WDR41: variants seen among roughly 807,000 people sequenced by gnomAD.
WDR41 encodes the protein WD repeat domain 41, also known as WD repeat-containing protein 41.
In WDR41, 63 loss-of-function variants were observed where a neutral mutation model predicts 69.3. The ratio of observed to expected loss-of-function variants is 0.91; its 90% confidence interval spans 0.74 to 1.12. WDR41 has a LOEUF of 1.12. Among genes scored for constraint, WDR41 ranks in the 50% most tolerant of loss-of-function variants. WDR41 has a pLI of 0.00. For missense variants in WDR41, 543 were observed against 534.5 expected (o/e 1.02, Z -0.16); for synonymous variants, 185 against 192.1 (o/e 0.96, Z 0.31).
At chr5:77,512,150 C>A (rs956462013) in intron 1 of WDR41, among the ~76,000 whole-genome samples, 2 of 152,074 alleles carry the variant, frequency 1.3e-5, no homozygotes, top group Non-Finnish European at 2.9e-5. Flanking sequence ...GGATTCTCAA[C>A]CTTGCTGCAC....
intron 1 of WDR41, among the ~76,000 whole-genome samples, chr5:77,514,138 G>A (rs1802252634): frequency 6.6e-6 from 1 of 151,992 alleles, no homozygotes; most frequent in Non-Finnish European, 1.5e-5. Context: ...ATATGGGGGG[G>A]AATCACCTAA....
intron 1 of WDR41, among the ~76,000 whole-genome samples, chr5:77,602,638 TTGTC>T (rs1180613908): frequency 2.0e-5 from 3 of 152,338 alleles, no homozygotes; most frequent in South Asian, 2.1e-4. Context: ...CACATTTTCT[TTGTC>T]TGTTCATCCT....
intron 2 of WDR41, among the ~76,000 whole-genome samples, chr5:77,477,219 A>T (rs1307791199): frequency 1.3e-5 from 2 of 150,174 alleles, no homozygotes; most frequent in African/African-American, 5.0e-5. Flanking sequence ...CCACACAATA[A>T]TAATGGGAGA....
At chr5:77,438,093 G>C (rs1247462818) in intron 10 of WDR41, 147 bp downstream of exon 10, 26 of 1,150,734 alleles carry the variant, frequency 2.3e-5, no homozygotes, top group Non-Finnish European at 3.1e-5. Context: ...TTCTGTTAGA[G>C]ACAGCCCTCA....
chr5:77,441,318 T>C (rs1799154479), intron 8 of WDR41, among the ~76,000 whole-genome samples: 1 of 152,074 alleles, frequency 6.6e-6, no homozygotes. Flanking sequence ...AAGTTTCAAA[T>C]AGATTAAAAC....
intron 1 of WDR41, among the ~76,000 whole-genome samples, chr5:77,491,005 T>G (rs1801752032): frequency 6.6e-6 from 1 of 152,264 alleles, no homozygotes; most frequent in South Asian, 2.1e-4. Flanking sequence ...TCACAAATTC[T>G]GTTCTTGTCA....
At chr5:77,613,894 C>A (rs1449992769) in intron 1 of WDR41, among the ~76,000 whole-genome samples, 1 of 152,158 alleles carries the variant, frequency 6.6e-6, no homozygotes, top group African/African-American at 2.4e-5. Flanking sequence ...GCAATCTACT[C>A]ATCTGACAAA....
At chr5:77,452,059 G>A (rs948244030) in intron 6 of WDR41, 4 of 150,912 alleles carry the variant, frequency 2.7e-5, no homozygotes, top group Non-Finnish European at 5.9e-5. Flanking sequence ...TGATATATAT[G>A]TAATTTATAA....
At chr5:77,546,152 G>A (rs140691226) in intron 1 of WDR41, 5,406 of 477,320 alleles carry the variant, frequency 0.011, 49 homozygotes, top group Non-Finnish European at 0.015. Context: ...CCGACCTCTG[G>A]AAGGAGACTG....
chr5:77,523,116 C>G (rs904841092), intron 1 of WDR41, among the ~76,000 whole-genome samples: 1 of 151,936 alleles, frequency 6.6e-6, no homozygotes, highest in Non-Finnish European at 1.5e-5. Context: ...GAGTTTGAGA[C>G]CAACCTGGCC....
At chr5:77,505,387 CA>C (rs1185689690) in intron 1 of WDR41, among the ~76,000 whole-genome samples, 4 of 152,090 alleles carry the variant, frequency 2.6e-5, no homozygotes, top group African/African-American at 9.7e-5. Flanking sequence ...AGGATACAAA[CA>C]AATGGAAGAA....
At chr5:77,525,283 C>A (rs1030110228) in intron 1 of WDR41, among the ~76,000 whole-genome samples, 11 of 152,140 alleles carry the variant, frequency 7.2e-5, no homozygotes, top group Admixed American at 6.5e-5. Context: ...TTAAATGTCA[C>A]AAATTATTTT....
upstream of WDR41, among the ~76,000 whole-genome samples, chr5:77,493,025 A>G (rs546355167): frequency 6.6e-6 from 1 of 152,196 alleles, no homozygotes; most frequent in South Asian, 2.1e-4. Flanking sequence ...TGACTACTAC[A>G]TTTTCTTAGG....
chr5:77,619,554 C>T (rs552008035), intron 1 of WDR41, among the ~76,000 whole-genome samples: 2 of 152,142 alleles, frequency 1.3e-5, no homozygotes, highest in East Asian at 3.9e-4. Context: ...CAGACCTGAC[C>T]CCAAGTCCAG....
intron 12 of WDR41, among the ~76,000 whole-genome samples, chr5:77,434,653 C>T (rs928385829): frequency 1.3e-5 from 2 of 151,678 alleles, no homozygotes; most frequent in Non-Finnish European, 2.9e-5. Flanking sequence ...TACAGTGACC[C>T]AAGACTGCAC....
chr5:77,496,707 A>G (rs1279418185), upstream of WDR41, among the ~76,000 whole-genome samples: 2 of 152,122 alleles, frequency 1.3e-5, no homozygotes, highest in East Asian at 3.8e-4. Flanking sequence ...TCCAGATTCA[A>G]TGCAATCTCT....
At chr5:77,583,031 G>A (rs1225479699) in intron 1 of WDR41, 1 of 1,598,314 alleles carries the variant, frequency 6.3e-7, no homozygotes, top group Middle Eastern at 1.8e-4. Flanking sequence ...CCACGAGGTG[G>A]AATGAAGAAA....
intron 8 of WDR41, among the ~76,000 whole-genome samples, chr5:77,445,077 C>T (rs1799324933): frequency 6.6e-6 from 1 of 152,036 alleles, no homozygotes; most frequent in African/African-American, 2.4e-5. Flanking sequence ...CAAATAGACA[C>T]AATAAAAGAT....
intron 5 of WDR41, among the ~76,000 whole-genome samples, chr5:77,456,227 G>A (rs12654175): frequency 0.33 from 50,259 of 151,930 alleles, 8,401 homozygotes; most frequent in East Asian, 0.36. Flanking sequence ...CAGGTTAGTC[G>A]TGAACTCCTG....
Sources: gnomAD v4.1 joint callset for allele counts (sites outside exome capture counted in the v4.1 genomes callset) on GRCh38, gnomAD v4.1.1 for gene constraint, MANE v1.5 for transcripts, NCBI Gene and HGNC (gene_info 2026-07-23, HGNC 2026-07-21) for gene names.